PIP4K2B: variants seen among roughly 807,000 people sequenced by gnomAD.
The protein encoded by PIP4K2B is phosphatidylinositol 5-phosphate 4-kinase type-2 beta.
A neutral mutation model predicts 42.0 loss-of-function variants in PIP4K2B; 3 were observed. That is an observed-to-expected ratio of 0.07 (90% confidence interval 0.03 to 0.18). The LOEUF (loss-of-function observed/expected upper bound fraction) is 0.18, where lower values mean the gene tolerates loss of function less well. PIP4K2B is among the 10% of genes least tolerant of loss of function. PIP4K2B has a pLI of 1.00. For synonymous variants in PIP4K2B, 204 were observed against 210.1 expected (o/e 0.97, Z 0.25); for missense variants, 332 against 562.3 (o/e 0.59, Z 4.14).
In PIP4K2B at chr17:38,769,610, G is replaced by T; in HGVS notation, c.*81C>A. 1 of 846,566 alleles carries T rather than the reference G, an allele frequency of 1.2e-6. No individual in the cohort carries two copies. Among genetic ancestry groups the T allele is most frequent in the Non-Finnish European group, 2.1e-6 (1 of 479,666 alleles). 52.4% of individuals were successfully genotyped at this position (846,566 alleles called of 1,614,324 possible). A position where few individuals can be genotyped will look rare whatever the true frequency, so the allele number is the denominator to read the frequency against. ...GACTCTGCTCCCACCCTCCCATCTAGCCCAAATACACCCTTCTCCCTAACT... is the reference window on the plus strand; with the variant it reads ...GACTCTGCTCCCACCCTCCCATCTATCCCAAATACACCCTTCTCCCTAACT... On this transcript the variant is annotated 3_prime_UTR_variant, in exon 10 of 10. Coordinates refer to ENST00000619039, the MANE Select transcript of PIP4K2B (RefSeq NM_003559.5).
At position 38,774,782 on chromosome 17, in the gene PIP4K2B, TAAATA is replaced by T. The variant is rs1401368626; in HGVS notation, c.807+2900_807+2904del. Among the ~76,000 whole-genome samples, 12 of 151,508 alleles carry T rather than the reference TAAATA, an allele frequency of 7.9e-5. No individual in the cohort carries two copies. The East Asian group carries it at 2.3e-3, about 30-fold the overall frequency. ...AAGACTCTGTCTCAAAAAAAATAAA[TAAATA>T]AAATAAAAAATAAATATCTTGGTAT... On this transcript the variant is annotated intron_variant, in intron 7 of 9. Transcript: ENST00000619039.
intron 7 of PIP4K2B, among the ~76,000 whole-genome samples, chr17:38,773,179 T>C (rs1205563444): frequency 6.6e-6 from 1 of 152,102 alleles, no homozygotes; most frequent in Non-Finnish European, 1.5e-5. Context: ...TGTGTATCCA[T>C]TGGGTTGCAA....
intron 1 of PIP4K2B, among the ~76,000 whole-genome samples, chr17:38,791,812 G>A (rs1910356599): frequency 6.6e-6 from 1 of 151,262 alleles, no homozygotes; most frequent in Admixed American, 6.6e-5. Context: ...CTGCAGAGCT[G>A]GGCGTAGTGG....
chr17:38,789,445 A>T (rs568458984), intron 1 of PIP4K2B, among the ~76,000 whole-genome samples: 1 of 152,236 alleles, frequency 6.6e-6, no homozygotes, highest in African/African-American at 2.4e-5. Context: ...AGGAAACCTT[A>T]GTCCTGACTT....
intron 7 of PIP4K2B, among the ~76,000 whole-genome samples, chr17:38,777,311 C>T (rs964103711): frequency 6.6e-6 from 1 of 152,146 alleles, no homozygotes; most frequent in African/African-American, 2.4e-5. Flanking sequence ...GCGATCCTCC[C>T]ACCTCAGCCT....
Position 38,799,356 on chromosome 17 carries a change from G to C in PIP4K2B, c.69C>G (p.Thr23=). The C allele has an allele frequency of 3.1e-6, 5 of 1,610,318 alleles. No individual in the cohort carries two copies. Among genetic ancestry groups the C allele is most frequent in the Non-Finnish European group, 4.2e-6 (5 of 1,178,774 alleles). ...TCTGGCACACGAAATGCTTCTTCTT[G>C]GTCTTGGTCTTGCTGGCGCTGAGCG... The part of the protein sequence containing the change: ...VAPLSASKTK[T]KKKHFVCQKV... The change falls in exon 1 of 10, where the codon ACC becomes ACG. Residue 23 remains threonine (T), a synonymous_variant. Coordinates refer to ENST00000619039, the MANE Select transcript of PIP4K2B (RefSeq NM_003559.5). This position sits in a 1 kb window ranked among gnomAD's most constrained non-coding sequence, Gnocchi z 4.4.
intron 3 of PIP4K2B, among the ~76,000 whole-genome samples, chr17:38,782,726 C>T (rs1001715245): frequency 1.3e-5 from 2 of 152,144 alleles, no homozygotes; most frequent in Non-Finnish European, 2.9e-5. Context: ...GGAGGAGACT[C>T]TAACCCAAGG....
intron 7 of PIP4K2B, among the ~76,000 whole-genome samples, chr17:38,774,526 T>C (rs1311180007): frequency 6.6e-6 from 1 of 152,100 alleles, no homozygotes; most frequent in Non-Finnish European, 1.5e-5. Context: ...CCCAGCACTT[T>C]GGGAGGCCGA....
intron 5 of PIP4K2B, 47 bp from the exon 6 acceptor site, chr17:38,778,419 G>T: frequency 6.4e-7 from 1 of 1,567,252 alleles, no homozygotes; most frequent in Non-Finnish European, 8.8e-7. Context: ...AGGCAAAGTC[G>T]ACTGCATGAG....
At chr17:38,789,951 G>A (rs186023484) in intron 1 of PIP4K2B, among the ~76,000 whole-genome samples, 4 of 152,206 alleles carry the variant, frequency 2.6e-5, no homozygotes, top group African/African-American at 4.8e-5. Context: ...GCCAGGGGGC[G>A]GGGGGTGCTG....
intron 1 of PIP4K2B, among the ~76,000 whole-genome samples, chr17:38,793,645 C>T (rs1910461661): frequency 6.6e-6 from 1 of 152,030 alleles, no homozygotes; most frequent in Non-Finnish European, 1.5e-5. Context: ...CCGAGGTGGG[C>T]AAATCGCTTG....
At chr17:38,788,469 G>T (rs903953885) in intron 1 of PIP4K2B, among the ~76,000 whole-genome samples, 8 of 151,952 alleles carry the variant, frequency 5.3e-5, no homozygotes, top group Non-Finnish European at 8.8e-5. Context: ...CAAAGTGCTG[G>T]GATTACAGGC....
chr17:38,775,664 T>C (rs540636305), intron 7 of PIP4K2B, among the ~76,000 whole-genome samples: 1 of 152,172 alleles, frequency 6.6e-6, no homozygotes, highest in South Asian at 2.1e-4. Context: ...GAAACCATCC[T>C]GGTCAACATG....
chr17:38,791,331 C>CTCTCAA (rs1910327771), intron 1 of PIP4K2B, among the ~76,000 whole-genome samples: 1 of 151,986 alleles, frequency 6.6e-6, no homozygotes, highest in African/African-American at 2.4e-5. Flanking sequence ...ATGGCTGCTC[C>CTCTCAA]TCTCAACCTC....
At chr17:38,791,140 C>T (rs946086726) in intron 1 of PIP4K2B, among the ~76,000 whole-genome samples, 2 of 152,110 alleles carry the variant, frequency 1.3e-5, no homozygotes, top group Non-Finnish European at 2.9e-5. Context: ...GGGATACAGA[C>T]ATCAAGAACA....
At chr17:38,779,246 G>A in intron 5 of PIP4K2B, 137 bp downstream of exon 5, 1 of 813,430 alleles carries the variant, frequency 1.2e-6, no homozygotes, top group Non-Finnish European at 2.0e-6. Flanking sequence ...CAAGAATCAG[G>A]CATATCCACT....
chr17:38,779,328 C>A lies in PIP4K2B; in HGVS notation c.654+55G>T, dbSNP rs144256123. ...TACATGGAAGTTGGAGTAGTGGCCC[C>A]TTCGGGGCTCAGATAGAGGGGAGGC... On this transcript the variant is annotated intron_variant, in intron 5 of 9. Transcript: ENST00000619039. The A allele has an allele frequency of 1.1e-4, 177 of 1,558,794 alleles. No individual in the cohort carries two copies. The African/African-American group carries it at 2.0e-3, about 18-fold the overall frequency.
chr17:38,798,461 T>C (rs935811614), intron 1 of PIP4K2B, among the ~76,000 whole-genome samples: 1 of 152,164 alleles, frequency 6.6e-6, no homozygotes, highest in Non-Finnish European at 1.5e-5. Context: ...AGGGGACCTA[T>C]CTCTCCTATC....
At chr17:38,770,627 A>G (rs947629456) in intron 8 of PIP4K2B, 88 bp from the exon 9 acceptor site, 4 of 775,312 alleles carry the variant, frequency 5.2e-6, no homozygotes, top group Non-Finnish European at 9.2e-6. Context: ...CCCCAGACAC[A>G]AGGCTCAGCT....
Sources: allele counts gnomAD v4.1 joint callset (sites outside exome capture counted in the v4.1 genomes callset), GRCh38; gene constraint gnomAD v4.1.1; non-coding constraint Gnocchi (gnomAD v3.1); transcripts MANE v1.5; gene names NCBI Gene and HGNC (gene_info 2026-07-23, HGNC 2026-07-21).